EFHD1: variants seen among roughly 807,000 people sequenced by gnomAD.
The protein encoded by EFHD1 is EF-hand domain family member D1.
EFHD1 carries 10 observed loss-of-function variants against 17.2 expected under a neutral mutation model. The observed-to-expected ratio is 0.58, with a 90% CI of 0.36 to 0.99. The LOEUF is 0.99. Among genes scored for constraint, EFHD1 ranks in the 50% least tolerant of loss-of-function variants. EFHD1 has a pLI of 0.01. For missense variants in EFHD1, 310 were observed against 327.5 expected, an observed-to-expected ratio of 0.95 and a Z score of 0.41; for synonymous variants, 153 against 142.0, an observed-to-expected ratio of 1.08 and a Z score of -0.55.
chr2:232,646,431 CTCT>C (rs1694528956), intron 1 of EFHD1, among the ~76,000 whole-genome samples: 1 of 137,346 alleles, frequency 7.3e-6, no homozygotes, highest in Non-Finnish European at 1.6e-5. Flanking sequence ...CTCTTCTCTT[CTCT>C]TCTTTTTTTT....
chr2:232,652,339 A>C (rs1455541091), intron 1 of EFHD1, among the ~76,000 whole-genome samples: 5 of 152,164 alleles, frequency 3.3e-5, no homozygotes, highest in African/African-American at 1.2e-4. Flanking sequence ...TCACAGTTAC[A>C]ACAGTGACCT....
At chr2:232,633,460 C>T (rs1694241331), upstream of EFHD1, 1 of 1,231,362 alleles carries the variant, frequency 8.1e-7, no homozygotes, top group Non-Finnish European at 1.0e-6. Context: ...GACGCGCAGA[C>T]ACCCAGACAC....
chr2:232,681,909 G>C lies in EFHD1; in HGVS notation c.*190G>C, dbSNP rs978984709. ...GCCCCTCCAGGAGGGTCCTGGGGTG[G>C]GCCAGATGCCTGCCCACCTCTGTCT... On this transcript the variant is annotated 3_prime_UTR_variant, in exon 4 of 4. Transcript: ENST00000264059. 6.0e-6 allele frequency: 5 copies of C among 829,428 alleles called. No homozygotes were observed. The highest frequency in any genetic ancestry group is 8.8e-6 in the Non-Finnish European group (5 of 564,976). 51.4% of individuals were successfully genotyped at this position (829,428 alleles called of 1,614,324 possible).
rs142505003 is a variant in EFHD1 at position 232,625,065 on chromosome 2, C to A, written c.14+18892C>A. On this transcript the variant is annotated intron_variant, in intron 1 of 3. Coordinates refer to the EFHD1 transcript ENST00000409613. The stretch of plus-strand genomic sequence containing the variant: ...ATTTATTTTGTTGACTATCTGTTTC[C>A]CCCATTAGAATGTGGGCCATAAAGG... 2.8e-3 allele frequency among the ~76,000 whole-genome samples: 430 copies of A among 152,234 alleles called. 2 individuals are homozygous for A. Among genetic ancestry groups the A allele is most frequent in the Middle Eastern group, 0.02 (6 of 294 alleles).
intron 1 of EFHD1, among the ~76,000 whole-genome samples, chr2:232,608,199 G>A (rs746047855): frequency 6.6e-5 from 10 of 151,868 alleles, no homozygotes; most frequent in South Asian, 2.1e-4. Context: ...GTGAAACCCC[G>A]TCTCTACTAA....
chr2:232,651,968 GC>G (rs1280516296), intron 1 of EFHD1, among the ~76,000 whole-genome samples: 2 of 152,164 alleles, frequency 1.3e-5, no homozygotes, highest in African/African-American at 2.4e-5. Context: ...CCAGCCTGGG[GC>G]AGAGCTGCGG....
chr2:232,618,869 C>T (rs1023085476), intron 1 of EFHD1, among the ~76,000 whole-genome samples: 1 of 151,564 alleles, frequency 6.6e-6, no homozygotes, highest in Non-Finnish European at 1.5e-5. Context: ...ATTGGCTAGG[C>T]GTGGTGGCTC....
intron 1 of EFHD1, chr2:232,611,514 T>A (rs1364411133): frequency 6.6e-6 from 1 of 152,124 alleles, no homozygotes; most frequent in African/African-American, 2.4e-5. Flanking sequence ...TCGACAGGGA[T>A]GGGTGGGCCA....
intron 1 of EFHD1, among the ~76,000 whole-genome samples, chr2:232,625,759 C>T (rs1694095060): frequency 6.6e-6 from 1 of 152,114 alleles, no homozygotes; most frequent in Non-Finnish European, 1.5e-5. Flanking sequence ...CATTTGTACC[C>T]ATGATGCGAA....
At chr2:232,633,475 G>A (rs887633125), upstream of EFHD1, 4 of 1,238,464 alleles carry the variant, frequency 3.2e-6, no homozygotes, top group Admixed American at 4.4e-5. Flanking sequence ...AGACACCGGC[G>A]GCCTCCTCCC....
At chr2:232,624,376 G>A (rs1164638696) in intron 1 of EFHD1, among the ~76,000 whole-genome samples, 1 of 152,186 alleles carries the variant, frequency 6.6e-6, no homozygotes, top group Admixed American at 6.5e-5. Context: ...CTCACCTGGG[G>A]GTTAGAGCCT....
chr2:232,615,759 C>T (rs1180154376), intron 1 of EFHD1, among the ~76,000 whole-genome samples: 1 of 147,814 alleles, frequency 6.8e-6, no homozygotes, highest in East Asian at 1.9e-4. Context: ...GCAATCTCAG[C>T]CCACCACAAC....
chr2:232,652,822 G>C (rs1363788532), intron 1 of EFHD1, among the ~76,000 whole-genome samples: 1 of 152,140 alleles, frequency 6.6e-6, no homozygotes, highest in Non-Finnish European at 1.5e-5. Context: ...TGCCTGTCTT[G>C]CAAATCCAGG....
intron 1 of EFHD1, among the ~76,000 whole-genome samples, chr2:232,646,514 C>G (rs890567410): frequency 7.0e-6 from 1 of 143,498 alleles, no homozygotes; most frequent in Non-Finnish European, 1.5e-5. Flanking sequence ...GCATGATCTC[C>G]GCTCACTGCA....
chr2:232,655,381 A>G (rs767539607), intron 1 of EFHD1, among the ~76,000 whole-genome samples: 35 of 152,352 alleles, frequency 2.3e-4, no homozygotes, highest in Middle Eastern at 6.8e-3. Flanking sequence ...AGTGCTTCTC[A>G]GAGGGTTTCC....
chr2:232,615,581 G>T (rs1032746672), intron 1 of EFHD1, among the ~76,000 whole-genome samples: 4 of 152,014 alleles, frequency 2.6e-5, no homozygotes, highest in Non-Finnish European at 5.9e-5. Context: ...TGCATGCTCT[G>T]AGAGTCTGCA....
chr2:232,680,764 C>T (rs1695265244), intron 3 of EFHD1, among the ~76,000 whole-genome samples: 1 of 152,074 alleles, frequency 6.6e-6, no homozygotes, highest in South Asian at 2.1e-4. Context: ...CCGCTTCAGC[C>T]TCCCAAAGTG....
intron 1 of EFHD1, among the ~76,000 whole-genome samples, chr2:232,623,697 AG>A (rs1559339133): frequency 0.012 from 1,068 of 89,634 alleles, 15 homozygotes; most frequent in African/African-American, 0.019. Context: ...AAAAAAAAGA[AG>A]AAGAAGAAGA....
At chr2:232,634,379 C>T (rs1476559807) in intron 1 of EFHD1, among the ~76,000 whole-genome samples, 1 of 152,204 alleles carries the variant, frequency 6.6e-6, no homozygotes, top group Non-Finnish European at 1.5e-5. Context: ...TGCCAGCTTT[C>T]ACTGTATCCC....
Sources: allele counts gnomAD v4.1 joint callset (sites outside exome capture counted in the v4.1 genomes callset), GRCh38; gene constraint gnomAD v4.1.1; transcripts MANE v1.5; gene names NCBI Gene and HGNC (gene_info 2026-07-23, HGNC 2026-07-21).